FHL2: variants seen among roughly 807,000 people sequenced by gnomAD.
The protein encoded by FHL2 is four and a half LIM domains protein 2.
Under a neutral mutation model 32.7 loss-of-function variants are expected in FHL2, and 20 were observed. The observed-to-expected ratio is 0.61, with a 90% CI of 0.43 to 0.89. The LOEUF (loss-of-function observed/expected upper bound fraction) is 0.89. Among genes scored for constraint, FHL2 ranks in the 40% least tolerant of loss-of-function variants. The probability of loss-of-function intolerance (pLI) is 0.00; values close to 1 mark genes in which losing one functional copy is unlikely to be tolerated. For missense variants in FHL2, 311 were observed against 358.6 expected (o/e 0.87, Z 1.07); for synonymous variants, 123 against 128.1 (o/e 0.96, Z 0.27).
chr2:105,431,271 C>G (rs1036553601), intron 1 of FHL2, among the ~76,000 whole-genome samples: 1 of 152,076 alleles, frequency 6.6e-6, no homozygotes, highest in Non-Finnish European at 1.5e-5. Context: ...TCTCAGTGAA[C>G]AAAATAGAGT....
At chr2:105,379,071 C>A (rs958403822) in intron 3 of FHL2, among the ~76,000 whole-genome samples, 2 of 152,188 alleles carry the variant, frequency 1.3e-5, no homozygotes, top group African/African-American at 4.8e-5. Flanking sequence ...TTGGTTATTT[C>A]ACCCTAGGGG....
intron 2 of FHL2, among the ~76,000 whole-genome samples, chr2:105,387,555 G>A (rs567860458): frequency 6.6e-6 from 1 of 152,240 alleles, no homozygotes; most frequent in Non-Finnish European, 1.5e-5. Flanking sequence ...AAATGCAGTG[G>A]CTGCAGTCAG....
Position 105,373,551 on chromosome 2 carries a change from C to T in FHL2, c.331+8G>A. 6.2e-7 allele frequency: 1 copy of T among 1,614,192 alleles called. No homozygotes were observed. Among genetic ancestry groups the T allele is most frequent in the Non-Finnish European group, 8.5e-7 (1 of 1,180,022 alleles). On this transcript the variant is annotated splice_region_variant and intron_variant, in intron 4 of 6. Coordinates refer to ENST00000530340, the MANE Select transcript of FHL2 (RefSeq NM_001318895.3). Reference sequence around the variant, plus strand: ...TGGCTCACGCATGAGAAAGGAGTGCCTCCTGACCTGGCATGATGGTCTTCT... The same window carrying T: ...TGGCTCACGCATGAGAAAGGAGTGCTTCCTGACCTGGCATGATGGTCTTCT...
rs564064970 is a variant in FHL2, at chr2:105,362,969, G to A, written c.688+316C>T. On this transcript the variant is annotated intron_variant, in intron 6 of 6. Coordinates refer to ENST00000530340, the MANE Select transcript of FHL2 (RefSeq NM_001318895.3). The stretch of plus-strand genomic sequence containing the variant: ...ACAGCTGCTAAGCCTGAAAAGGCCA[G>A]TTTTTATTGTGCTTTTGTGATGTCA... 7 of 313,592 alleles carry A rather than the reference G, an allele frequency of 2.2e-5. No individual in the cohort carries two copies. The East Asian group carries it at 4.9e-4, about 22-fold the overall frequency. 19.4% of individuals were successfully genotyped at this position (313,592 alleles called of 1,614,324 possible).
At position 105,361,215 on chromosome 2, in the gene FHL2, C is replaced by T; in HGVS notation, c.*68G>A. On this transcript the variant is annotated 3_prime_UTR_variant, in exon 7 of 7. Coordinates refer to ENST00000530340, the MANE Select transcript of FHL2 (RefSeq NM_001318895.3). ...TGGAAGAAACCAGAAGGCAAGATTG[C>T]CTGGGTGAGAAAGAAAACATAAAAA... 1 of 1,515,408 alleles carries T rather than the reference C, an allele frequency of 6.6e-7. No individual in the cohort carries two copies. The highest frequency in any genetic ancestry group is 9.0e-7 in the Non-Finnish European group (1 of 1,111,598). 93.9% of individuals were successfully genotyped at this position (1,515,408 alleles called of 1,614,324 possible).
chr2:105,369,226 G>A (rs1335292863), intron 4 of FHL2, among the ~76,000 whole-genome samples: 3 of 152,180 alleles, frequency 2.0e-5, no homozygotes, highest in Admixed American at 6.5e-5. Flanking sequence ...GGACTGCCCC[G>A]CTCCAGACCA....
chr2:105,405,012 T>C (rs186727947), intron 1 of FHL2, among the ~76,000 whole-genome samples: 20 of 152,308 alleles, frequency 1.3e-4, no homozygotes, highest in Non-Finnish European at 2.5e-4. Context: ...AGAAAGACTC[T>C]GTTTGGTACA....
intron 1 of FHL2, among the ~76,000 whole-genome samples, chr2:105,411,097 G>GTACC (rs1273336083): frequency 1.3e-5 from 2 of 152,176 alleles, no homozygotes; most frequent in African/African-American, 4.8e-5. Flanking sequence ...CATAAGAGAA[G>GTACC]TACCAGCGAG....
At chr2:105,372,043 C>T (rs143045218) in intron 4 of FHL2, among the ~76,000 whole-genome samples, 12 of 152,254 alleles carry the variant, frequency 7.9e-5, no homozygotes, top group African/African-American at 2.9e-4. Context: ...AGCTGTTTTC[C>T]CTTACAGCTG....
chr2:105,437,962 C>A (rs1255739377), intron 1 of FHL2, among the ~76,000 whole-genome samples: 2 of 152,208 alleles, frequency 1.3e-5, no homozygotes, highest in East Asian at 3.8e-4. Context: ...GAAATTCTGT[C>A]AGGGAGAAAA....
At chr2:105,435,826 C>CATAA (rs796540701) in intron 1 of FHL2, among the ~76,000 whole-genome samples, 19 of 152,134 alleles carry the variant, frequency 1.2e-4, no homozygotes, top group African/African-American at 3.9e-4. Context: ...CTTCTCAAAA[C>CATAA]ATAAATAAAT....
chr2:105,401,372 G>A (rs955891491), upstream of FHL2, among the ~76,000 whole-genome samples: 1 of 152,204 alleles, frequency 6.6e-6, no homozygotes. Flanking sequence ...AATACTATCA[G>A]CCATGGATTG....
At chr2:105,373,887 A>G (rs1681279068) in intron 3 of FHL2, among the ~76,000 whole-genome samples, 154 bp from the exon 4 acceptor site, 1 of 152,236 alleles carries the variant, frequency 6.6e-6, no homozygotes, top group South Asian at 2.1e-4. Flanking sequence ...GGACCACCTA[A>G]CTGCTGAAAT....
chr2:105,416,278 T>C (rs1472740564), intron 1 of FHL2, among the ~76,000 whole-genome samples: 1 of 152,258 alleles, frequency 6.6e-6, no homozygotes, highest in East Asian at 1.9e-4. Context: ...TGGTTTTGAA[T>C]TTTTGCAAAT....
At chr2:105,393,684 G>C (rs1488132511) in intron 2 of FHL2, among the ~76,000 whole-genome samples, 1 of 152,142 alleles carries the variant, frequency 6.6e-6, no homozygotes, top group Non-Finnish European at 1.5e-5. Context: ...ACATGTCAGA[G>C]TACAAACATA....
intron 2 of FHL2, among the ~76,000 whole-genome samples, chr2:105,394,886 TG>T (rs1683015845): frequency 6.6e-6 from 1 of 152,234 alleles, no homozygotes; most frequent in Non-Finnish European, 1.5e-5. Flanking sequence ...CATGAGGCAA[TG>T]TTTGAATAAG....
At chr2:105,419,903 C>T (rs1201608493) in intron 1 of FHL2, among the ~76,000 whole-genome samples, 1 of 152,128 alleles carries the variant, frequency 6.6e-6, no homozygotes, top group East Asian at 1.9e-4. Context: ...ATTTTCCTCC[C>T]CTATACTACA....
chr2:105,382,594 C>A (rs943368350), intron 3 of FHL2, among the ~76,000 whole-genome samples: 4 of 152,248 alleles, frequency 2.6e-5, no homozygotes, highest in African/African-American at 9.6e-5. Flanking sequence ...GTGCCTGGAA[C>A]AAGTCATCAG....
At chr2:105,392,461 C>A (rs1185524065) in intron 2 of FHL2, among the ~76,000 whole-genome samples, 3 of 151,762 alleles carry the variant, frequency 2.0e-5, no homozygotes, top group Non-Finnish European at 4.4e-5. Context: ...GAAACAGCCT[C>A]ATGGTGACAC....
Sources: gnomAD v4.1 joint callset for allele counts (sites outside exome capture counted in the v4.1 genomes callset) on GRCh38, gnomAD v4.1.1 for gene constraint, MANE v1.5 for transcripts, NCBI Gene and HGNC (gene_info 2026-07-23, HGNC 2026-07-21) for gene names.